WWOX: variants seen among roughly 807,000 people sequenced by gnomAD.
The protein encoded by WWOX is WW domain-containing oxidoreductase.
WWOX carries 69 observed loss-of-function variants against 46.2 expected under a neutral mutation model. The ratio of observed to expected loss-of-function variants is 1.49; its 90% CI spans 1.23 to 1.82. The LOEUF is 1.82. WWOX is among the 40% of genes most tolerant of loss of function. WWOX has a pLI of 0.00. For synonymous variants in WWOX, 359 were observed against 202.6 expected (o/e 1.77, Z -6.56); for missense variants, 919 against 542.6 (o/e 1.69, Z -6.89).
chr16:78,564,080 C>T (rs2044505467), intron 8 of WWOX, among the ~76,000 whole-genome samples: 1 of 152,216 alleles, frequency 6.6e-6, no homozygotes, highest in African/African-American at 2.4e-5. Flanking sequence ...CATATTGCCC[C>T]AGCCAAGAGC....
intron 6 of WWOX, among the ~76,000 whole-genome samples, chr16:78,390,022 C>G (rs1473369327): frequency 6.6e-6 from 1 of 152,234 alleles, no homozygotes; most frequent in Non-Finnish European, 1.5e-5. Context: ...GCTGGAATTA[C>G]AGGCGTGAGC....
intron 8 of WWOX, among the ~76,000 whole-genome samples, chr16:78,946,141 C>A (rs1452448269): frequency 6.6e-6 from 1 of 152,188 alleles, no homozygotes; most frequent in Non-Finnish European, 1.5e-5. Flanking sequence ...ATTCCCCCTA[C>A]AAGAATGCCG....
At chr16:78,813,977 T>C (rs1390921849) in intron 8 of WWOX, among the ~76,000 whole-genome samples, 1 of 152,216 alleles carries the variant, frequency 6.6e-6, no homozygotes, top group Non-Finnish European at 1.5e-5. Context: ...CTATAGGTTC[T>C]ATTATATCTC....
At chr16:78,451,970 A>G (rs1179272234) in intron 8 of WWOX, among the ~76,000 whole-genome samples, 5 of 152,214 alleles carry the variant, frequency 3.3e-5, no homozygotes, top group Non-Finnish European at 7.3e-5. Flanking sequence ...TTTTCAGGTC[A>G]TATTAATGCA....
At chr16:78,555,816 G>C (rs1266941765) in intron 8 of WWOX, among the ~76,000 whole-genome samples, 1 of 152,064 alleles carries the variant, frequency 6.6e-6, no homozygotes, top group African/African-American at 2.4e-5. Flanking sequence ...ACTCTTCTGA[G>C]CCATGCCAAT....
chr16:78,778,370 C>A (rs985948385), intron 8 of WWOX, among the ~76,000 whole-genome samples: 1 of 152,136 alleles, frequency 6.6e-6, no homozygotes, highest in African/African-American at 2.4e-5. Context: ...GGTAAAGGAA[C>A]GAGGTGACAG....
intron 5 of WWOX, among the ~76,000 whole-genome samples, chr16:78,222,184 G>C (rs1350059150): frequency 6.6e-6 from 1 of 152,084 alleles, no homozygotes; most frequent in Admixed American, 6.6e-5. Flanking sequence ...CGCTGGAAAA[G>C]AAGCCAACTC....
chr16:78,204,015 C>T (rs2036314615), intron 5 of WWOX, among the ~76,000 whole-genome samples: 2 of 152,092 alleles, frequency 1.3e-5, no homozygotes, highest in Non-Finnish European at 2.9e-5. Flanking sequence ...GGCGGTGTGG[C>T]CACTGACACG....
At chr16:78,312,311 C>T (rs377406680) in intron 5 of WWOX, among the ~76,000 whole-genome samples, 15 of 150,952 alleles carry the variant, frequency 9.9e-5, no homozygotes, top group Middle Eastern at 6.9e-3. Flanking sequence ...CTTCTTTCTC[C>T]GTTGAAAACT....
chr16:78,379,905 C>T (rs531870087), intron 5 of WWOX, among the ~76,000 whole-genome samples: 13 of 152,138 alleles, frequency 8.5e-5, no homozygotes, highest in Non-Finnish European at 1.6e-4. Flanking sequence ...AGGCATGAGA[C>T]GTTGCCTTTG....
intron 8 of WWOX, among the ~76,000 whole-genome samples, chr16:78,574,211 T>A (rs765116267): frequency 8.2e-4 from 125 of 152,292 alleles, no homozygotes; most frequent in Non-Finnish European, 9.7e-4. Context: ...CTGGGGCAAG[T>A]TGGTCAACAA....
intron 4 of WWOX, among the ~76,000 whole-genome samples, chr16:78,134,039 C>G (rs555093657): frequency 7.9e-5 from 12 of 152,252 alleles, no homozygotes; most frequent in African/African-American, 2.9e-4. Flanking sequence ...TAAAGAATTG[C>G]TTTTGTATGG....
At chr16:79,058,537 T>C (rs2347085) in intron 8 of WWOX, among the ~76,000 whole-genome samples, 1 of 151,492 alleles carries the variant, frequency 6.6e-6, no homozygotes, top group Admixed American at 6.6e-5. Context: ...GGCAAGTATA[T>C]TAGTCATGAT....
intron 8 of WWOX, among the ~76,000 whole-genome samples, chr16:78,730,912 A>G (rs927991510): frequency 2.0e-5 from 3 of 152,140 alleles, no homozygotes; most frequent in African/African-American, 7.2e-5. Context: ...TAGTGATTTA[A>G]AAATTCAGAT....
At chr16:78,417,040 G>GTGTGTGTGTGTGTGTGTGTGTGTGT (rs1555535317) in intron 6 of WWOX, among the ~76,000 whole-genome samples, 1 of 151,264 alleles carries the variant, frequency 6.6e-6, no homozygotes, top group African/African-American at 2.4e-5. Context: ...ACCCTTTGGG[G>GTGTGTGTGTGTGTGTGTGTGTGTGT]GTGTGTGTGT....
chr16:78,614,833 G>T (rs559823178), intron 8 of WWOX, among the ~76,000 whole-genome samples: 7 of 152,192 alleles, frequency 4.6e-5, no homozygotes, highest in African/African-American at 1.7e-4. Context: ...TGTGCAGAAC[G>T]TGCAGGCTTG....
chr16:78,355,372 G>A (rs1401623690), intron 5 of WWOX, among the ~76,000 whole-genome samples: 4 of 152,128 alleles, frequency 2.6e-5, no homozygotes, highest in African/African-American at 4.8e-5. Flanking sequence ...GGAGGCTGAG[G>A]CGGGCGAATC....
chr16:78,165,910 A>C (rs11646995), intron 5 of WWOX, among the ~76,000 whole-genome samples: 19,998 of 152,194 alleles, frequency 0.13, 1,570 homozygotes, highest in East Asian at 0.22. Flanking sequence ...TTTTCTGATC[A>C]TTTTATTGTC....
chr16:78,366,692 G>T (rs909622868), intron 5 of WWOX, among the ~76,000 whole-genome samples: 1 of 152,112 alleles, frequency 6.6e-6, no homozygotes. Flanking sequence ...TGAGTATTTG[G>T]GAGATACTTG....
Sources: gnomAD v4.1 joint callset for allele counts (sites outside exome capture counted in the v4.1 genomes callset) on GRCh38, gnomAD v4.1.1 for gene constraint, MANE v1.5 for transcripts, NCBI Gene and HGNC (gene_info 2026-07-23, HGNC 2026-07-21) for gene names.